PNPLA8: variants seen among roughly 807,000 people sequenced by gnomAD.
PNPLA8 encodes calcium-independent phospholipase A2-gamma.
Under a neutral mutation model 76.9 loss-of-function variants are expected in PNPLA8, and 39 were observed. The ratio of observed to expected loss-of-function variants is 0.51; its 90% confidence interval spans 0.39 to 0.66. PNPLA8 has a LOEUF of 0.66. Ranked by LOEUF, PNPLA8 falls within the 30% of genes least tolerant of loss-of-function variation. The pLI, the probability that PNPLA8 is intolerant of heterozygous loss-of-function variation, is 0.00. For synonymous variants in PNPLA8, 301 were observed against 307.9 expected (o/e 0.98, Z 0.24); for missense variants, 887 against 918.0 (o/e 0.97, Z 0.44).
At chr7:108,491,150 C>CA (rs954480219) in intron 8 of PNPLA8, among the ~76,000 whole-genome samples, 22 of 151,366 alleles carry the variant, frequency 1.5e-4, no homozygotes, top group Non-Finnish European at 2.8e-4. Context: ...ACTAAAAATA[C>CA]AAAAAAATTA....
rs752857340 is a variant in PNPLA8, at chr7:108,514,581, C to A, written c.911G>T (p.Gly304Val). The A allele has an allele frequency of 5.0e-6, 8 of 1,614,048 alleles. No homozygotes were observed. Reference protein sequence around the residue: ...PTEGVQALVGGYIGGLVPKLK... With the variant: ...PTEGVQALVGVYIGGLVPKLK... ...TTTGGGGACAAGTCCACCAATATAA[C>A]CACCTACTAAAGCTTGTACACCTTC... Residue 304 changes from glycine (G) to valine (V), a missense_variant, in exon 3 of 11, where the codon GGT (glycine) becomes GTT (valine). Physicochemically the swap from Gly to Val is moderately radical, Grantham distance 109 (BLOSUM62 -3). Transcript: ENST00000257694.
At chr7:108,487,622 GTTC>G (rs1194361350) in intron 9 of PNPLA8, 134 bp downstream of exon 9, 10 of 479,594 alleles carry the variant, frequency 2.1e-5, no homozygotes, top group Non-Finnish European at 3.0e-5. Flanking sequence ...ATCCTAAATT[GTTC>G]TTCTTTTGAG....
Position 108,514,601 on chromosome 7 carries a change from A to C in PNPLA8, c.891T>G (p.Gly297=), listed in dbSNP as rs755794207. 38 of 1,613,912 alleles carry C rather than the reference A, an allele frequency of 2.4e-5. 1 individual carries two copies. The highest frequency in any genetic ancestry group is 3.1e-5 in the Non-Finnish European group (37 of 1,179,956). ...TATAACCACCTACTAAAGCTTGTAC[A>C]CCTTCCGTGGGACGAGAAAGAAAGT... ...IANFLSRPTE[G]VQALVGGYIG... Residue 297 remains glycine, a synonymous_variant, in exon 3 of 11, where the codon GGT becomes GGG. Transcript: ENST00000257694.
chr7:108,497,425 A>T, intron 6 of PNPLA8, 58 bp downstream of exon 6: 1 of 1,136,238 alleles, frequency 8.8e-7, no homozygotes, highest in South Asian at 1.3e-5. Context: ...ATAAGTGCTT[A>T]ATGTTCTTTT....
At chr7:108,476,330 T>A (rs1554676797) in intron 10 of PNPLA8, among the ~76,000 whole-genome samples, 2 of 152,236 alleles carry the variant, frequency 1.3e-5, no homozygotes, top group Non-Finnish European at 2.9e-5. Flanking sequence ...AGTACAGACT[T>A]AACTCTTATG....
chr7:108,509,269 C>A (rs1299730411), intron 4 of PNPLA8, among the ~76,000 whole-genome samples: 2 of 73,212 alleles, frequency 2.7e-5, no homozygotes, highest in African/African-American at 1.4e-4. Flanking sequence ...ATTTTCGCAA[C>A]CTACTCATCT....
At chr7:108,510,713 A>C in intron 4 of PNPLA8, 1 of 1,600,468 alleles carries the variant, frequency 6.2e-7, no homozygotes, top group Non-Finnish European at 8.5e-7. Flanking sequence ...TTATGGCAAA[A>C]TCAATAAGAA....
chr7:108,486,892 A>C (rs1563941799), intron 9 of PNPLA8, among the ~76,000 whole-genome samples: 1 of 152,122 alleles, frequency 6.6e-6, no homozygotes, highest in Non-Finnish European at 1.5e-5. Context: ...TTTAGGGACT[A>C]GAGAAAAACG....
chr7:108,510,504 T>C, intron 4 of PNPLA8: 1 of 1,378,624 alleles, frequency 7.3e-7, no homozygotes, highest in Non-Finnish European at 1.0e-6. Context: ...CTGGCATTTG[T>C]CATCAGAATC....
intron 2 of PNPLA8, among the ~76,000 whole-genome samples, chr7:108,517,252 AC>A (rs1251258244): frequency 2.0e-5 from 3 of 152,364 alleles, no homozygotes; most frequent in East Asian, 3.9e-4. Flanking sequence ...AACATTGAGA[AC>A]ACTAAATGCT....
Position 108,521,511 on chromosome 7 carries a change from G to A in PNPLA8, c.-119C>T, listed in dbSNP as rs1351725604. The A allele has an allele frequency of 6.2e-6, 5 of 804,884 alleles. No individual in the cohort carries two copies. Among genetic ancestry groups the A allele is most frequent in the African/African-American group, 1.9e-5 (1 of 53,380 alleles). The allele number at this position is 804,884 out of a possible 1,614,324, so 49.9% of individuals were successfully genotyped here. ...TCAGGTAATCATGTAGACCTTGGAG[G>A]AGAAGACAATCTATTGAGAAATAAA... is the stretch of plus-strand genomic sequence containing the variant. On this transcript the variant is annotated 5_prime_UTR_variant, in exon 2 of 11. Coordinates refer to ENST00000257694, the MANE Select transcript of PNPLA8 (RefSeq NM_001256007.3).
In PNPLA8 at chr7:108,517,107, G is replaced by A. The variant is rs1863402225; in HGVS notation, c.-83-1533C>T. Among the ~76,000 whole-genome samples the A allele has an allele frequency of 2.0e-5, 3 of 152,198 alleles. No homozygotes were observed. The East Asian group carries it at 5.8e-4, about 29-fold the overall frequency. On this transcript the variant is annotated intron_variant, in intron 2 of 10. Coordinates refer to ENST00000257694, the MANE Select transcript of PNPLA8 (RefSeq NM_001256007.3). ...TACAAATGTGCCAAAGGCCGTAACA[G>A]ACACCTCATCAAAGGAGATATATAG...
intron 5 of PNPLA8, among the ~76,000 whole-genome samples, chr7:108,499,776 TACCTC>T (rs1293623764): frequency 6.6e-6 from 1 of 152,190 alleles, no homozygotes; most frequent in Non-Finnish European, 1.5e-5. Flanking sequence ...TTTCCCAAAT[TACCTC>T]ACACTGATTT....
intron 1 of PNPLA8, among the ~76,000 whole-genome samples, chr7:108,524,533 A>G (rs1598990390): frequency 6.6e-6 from 1 of 152,238 alleles, no homozygotes; most frequent in East Asian, 1.9e-4. Flanking sequence ...ATAAGAACTA[A>G]GAAATGACTG....
At chr7:108,490,471 A>G (rs1306344684) in intron 8 of PNPLA8, among the ~76,000 whole-genome samples, 2 of 152,216 alleles carry the variant, frequency 1.3e-5, no homozygotes, top group East Asian at 1.9e-4. Flanking sequence ...AGAGGCATAT[A>G]AAATTTCTCT....
chr7:108,525,823 G>C (rs1488716179), intron 1 of PNPLA8, among the ~76,000 whole-genome samples: 1 of 152,228 alleles, frequency 6.6e-6, no homozygotes, highest in African/African-American at 2.4e-5. Flanking sequence ...AGCCCACGGG[G>C]GCGGAGGGCG....
At position 108,496,604 on chromosome 7, in the gene PNPLA8, TTGAC is replaced by T. The variant is rs1233038564; in HGVS notation, c.1601_1604del (p.Ser534LysfsTer15). ...CTTACTTAAGAATGTTTTCCCATGTTTGACTGTCATAAAATGCATGGCTCCAACT... is the reference window on the plus strand; with the variant it reads ...CTTACTTAAGAATGTTTTCCCATGTTTGTCATAAAATGCATGGCTCCAACT... On this transcript the variant is annotated frameshift_variant, in exon 7 of 11. Transcript: ENST00000257694. LOFTEE classifies it high-confidence loss of function. 1 of 1,600,546 alleles carries T rather than the reference TTGAC, an allele frequency of 6.2e-7. No homozygotes were observed. Among genetic ancestry groups the T allele is most frequent in the African/African-American group, 1.4e-5 (1 of 74,010 alleles).
rs534036379 is a variant in PNPLA8, at chr7:108,472,276, T to C, written c.*125A>G. 1.5e-6 allele frequency: 1 copy of C among 675,962 alleles called. No individual in the cohort carries two copies. The highest frequency in any genetic ancestry group is 2.7e-5 in the East Asian group (1 of 36,570). 41.9% of individuals were successfully genotyped at this position (675,962 alleles called of 1,614,324 possible). A position where few individuals can be genotyped will look rare whatever the true frequency, so the allele number is the denominator to read the frequency against. On this transcript the variant is annotated 3_prime_UTR_variant, in exon 11 of 11. Coordinates refer to ENST00000257694, the MANE Select transcript of PNPLA8 (RefSeq NM_001256007.3). ...TGCAAGCTGGTTGAAGCACCGTCTT[T>C]TTCAGGATTCTCCAGAATTCATACG...
At chr7:108,491,805 T>C (rs1861187860) in intron 7 of PNPLA8, among the ~76,000 whole-genome samples, 1 of 152,118 alleles carries the variant, frequency 6.6e-6, no homozygotes, top group South Asian at 2.1e-4. Flanking sequence ...CATATACAGA[T>C]TAAAGGCACA....
Sources: gnomAD v4.1 joint callset for allele counts (sites outside exome capture counted in the v4.1 genomes callset) on GRCh38, gnomAD v4.1.1 for gene constraint, MANE v1.5 for transcripts, NCBI Gene and HGNC (gene_info 2026-07-23, HGNC 2026-07-21) for gene names.